The following FREM1 variants were observed in gnomAD, a reference collection of about 807,000 sequenced individuals.
The protein encoded by FREM1 is FRAS1 related extracellular matrix 1.
A neutral mutation model predicts 210.1 loss-of-function variants in FREM1; 220 were observed. That is an observed-to-expected ratio of 1.05 (90% CI 0.94 to 1.17). The LOEUF (loss-of-function observed/expected upper bound fraction) is 1.17, where lower values mean the gene tolerates loss of function less well. Among genes scored for constraint, FREM1 ranks in the 50% most tolerant of loss-of-function variants. The probability of loss-of-function intolerance (pLI) is 0.00; values close to 1 mark genes in which losing one functional copy is unlikely to be tolerated. For missense variants in FREM1, 3,454 were observed against 2,675.5 expected, an observed-to-expected ratio of 1.29 and a Z score of -6.42; for synonymous variants, 1,189 against 980.2, an observed-to-expected ratio of 1.21 and a Z score of -3.98.
intron 17 of FREM1, 91 bp downstream of exon 17, chr9:14,807,849 T>A (rs1818671244): frequency 1.1e-6 from 1 of 920,998 alleles, no homozygotes; most frequent in Non-Finnish European, 1.6e-6. Context: ...GGTTTTCTTT[T>A]TAGACTATAA....
chr9:14,891,362 C>CA (rs1218822980), intron 1 of FREM1, among the ~76,000 whole-genome samples: 12 of 151,196 alleles, frequency 7.9e-5, no homozygotes, highest in African/African-American at 1.5e-4. Flanking sequence ...ACAAAAATGA[C>CA]AAAAAAAAAT....
At chr9:14,798,696 CAG>C (rs1486173996) in intron 20 of FREM1, among the ~76,000 whole-genome samples, 1 of 151,888 alleles carries the variant, frequency 6.6e-6, no homozygotes, top group Non-Finnish European at 1.5e-5. Context: ...TTTTTTGTGA[CAG>C]AGTCTCACTC....
At chr9:14,798,273 T>A (rs1852820941) in intron 20 of FREM1, among the ~76,000 whole-genome samples, 1 of 152,242 alleles carries the variant, frequency 6.6e-6, no homozygotes, top group Non-Finnish European at 1.5e-5. Flanking sequence ...TTTAAAGTTG[T>A]ATAAAATATT....
chr9:14,904,850 A>G (rs1817412952), intron 1 of FREM1, among the ~76,000 whole-genome samples: 1 of 152,022 alleles, frequency 6.6e-6, no homozygotes, highest in Non-Finnish European at 1.5e-5. Context: ...ACTTCTTCCC[A>G]TCCTTAAACT....
chr9:14,791,511 A>G (rs1851309981), intron 22 of FREM1, among the ~76,000 whole-genome samples: 1 of 152,212 alleles, frequency 6.6e-6, no homozygotes. Context: ...TCCCACGTGA[A>G]GTTTTCTCCC....
Position 14,808,134 on chromosome 9 carries a change from C to A in FREM1, c.2894G>T (p.Gly965Val), listed in dbSNP as rs767465306. Reference sequence around the variant, plus strand: ...ACAAGGCATCAGGCCAATCTCGCCACCTGGAAGACACAACTATAGCTGAAA... The same window carrying A: ...ACAAGGCATCAGGCCAATCTCGCCAACTGGAAGACACAACTATAGCTGAAA... ...ISEAVTYKHT[G>V]GEIGLMPCFD... The change falls in exon 17 of 37, where the codon GGT becomes GTT. Residue 965 changes from glycine (G) to valine (V), a missense_variant and splice_region_variant. Transcript: ENST00000380880. The A allele has an allele frequency of 6.3e-7, 1 of 1,580,140 alleles. No homozygotes were observed. The highest frequency in any genetic ancestry group is 1.2e-5 in the South Asian group (1 of 84,038).
Position 14,868,755 on chromosome 9 carries a change from G to C in FREM1, c.223C>G (p.Leu75Val). 1 of 1,609,236 alleles carries C rather than the reference G, an allele frequency of 6.2e-7. No homozygotes were observed. Among genetic ancestry groups the C allele is most frequent in the Non-Finnish European group, 8.5e-7 (1 of 1,177,138 alleles). ...CAGATAGGACCTACCTGTGGAGTGA[G>C]TTTCCCAACCCTCTGGGTTATTGGC... is the stretch of plus-strand genomic sequence containing the variant. Reference protein sequence around the residue: ...NEPITQRVGKLTPQVFDCHFL... With the variant: ...NEPITQRVGKVTPQVFDCHFL... The change falls in exon 2 of 37, where the codon CTC becomes GTC. Residue 75 changes from leucine (L) to valine (V), a missense_variant. Transcript: ENST00000380880.
intron 35 of FREM1, among the ~76,000 whole-genome samples, chr9:14,742,195 T>C (rs775686424): frequency 1.3e-5 from 2 of 152,192 alleles, no homozygotes; most frequent in African/African-American, 2.4e-5. Flanking sequence ...ATTTGTAGTA[T>C]AGAATTAGAA....
rs1308682749 is a variant in FREM1, at chr9:14,812,748, C to T, written c.2893+64G>A. 4.0e-6 allele frequency: 6 copies of T among 1,502,498 alleles called. No homozygotes were observed. In the African/African-American group the frequency reaches 6.9e-5, roughly 17 times the overall value. The allele number at this position is 1,502,498 out of a possible 1,614,324, so 93.1% of individuals were successfully genotyped here. A position where few individuals can be genotyped will look rare whatever the true frequency, so the allele number is the denominator to read the frequency against. On this transcript the variant is annotated intron_variant, in intron 16 of 36. Coordinates refer to ENST00000380880, the MANE Select transcript of FREM1 (RefSeq NM_001379081.2). ...CTGACTGTTTGATTATGGGAGCCCACACTGAGGAGTGGAGACTCTCATGTT... is the reference window on the plus strand; with the variant it reads ...CTGACTGTTTGATTATGGGAGCCCATACTGAGGAGTGGAGACTCTCATGTT...
intron 1 of FREM1, among the ~76,000 whole-genome samples, chr9:14,898,456 A>T (rs752318828): frequency 6.6e-6 from 1 of 152,192 alleles, no homozygotes; most frequent in Non-Finnish European, 1.5e-5. Flanking sequence ...AACCCATAGA[A>T]TGCAGCCGGG....
intron 2 of FREM1, among the ~76,000 whole-genome samples, chr9:14,864,675 G>C (rs564097921): frequency 6.6e-6 from 1 of 152,150 alleles, no homozygotes; most frequent in East Asian, 1.9e-4. Flanking sequence ...CCCATATCAT[G>C]CCCTTCATTC....
rs1289206021 is a variant in FREM1 at position 14,748,424 on chromosome 9, T to C, written c.5773A>G (p.Arg1925Gly). Residue 1925 changes from arginine (R) to glycine (G), a missense_variant, in exon 31 of 37, where the codon AGG becomes GGG. Arg to Gly is a moderately radical substitution (Grantham distance 125). Transcript: ENST00000380880. The part of the protein sequence containing the change: ...DSTDLSQRKL[R>G]TRGNGKTVRP... Reference sequence around the variant, plus strand: ...ACTGTTTTGCCATTCCCACGGGTCCTAAGCTTCCTTTGAGAAAGATCTGTA... The same window carrying C: ...ACTGTTTTGCCATTCCCACGGGTCCCAAGCTTCCTTTGAGAAAGATCTGTA... The C allele has an allele frequency of 2.8e-5, 45 of 1,612,480 alleles. No individual in the cohort carries two copies. Among genetic ancestry groups the C allele is most frequent in the Non-Finnish European group, 3.4e-5 (40 of 1,178,716 alleles).
At chr9:14,861,649 G>C (rs948617886) in intron 3 of FREM1, among the ~76,000 whole-genome samples, 3 of 151,674 alleles carry the variant, frequency 2.0e-5, no homozygotes, top group Non-Finnish European at 4.4e-5. Context: ...TGGGACTACA[G>C]GTGCCTGCCA....
In FREM1 at chr9:14,860,980, T is replaced by A. The variant is rs1322208363; in HGVS notation, c.330-1496A>T. Among the ~76,000 whole-genome samples the A allele has an allele frequency of 2.4e-5, 3 of 124,528 alleles. 1 individual carries two copies. The highest frequency in any genetic ancestry group is 4.6e-5 in the Non-Finnish European group (3 of 65,222). The allele number at this position is 124,528 out of a possible 152,430, so 81.7% of individuals were successfully genotyped here. A position where few individuals can be genotyped will look rare whatever the true frequency, so the allele number is the denominator to read the frequency against. On this transcript the variant is annotated intron_variant, in intron 3 of 36. Coordinates refer to ENST00000380880, the MANE Select transcript of FREM1 (RefSeq NM_001379081.2). ...ACATATATACACATATATACATATA[T>A]ACACATATATACATATATATACACA...
At chr9:14,746,611 A>G in intron 34 of FREM1, 143 bp from the exon 35 acceptor site, 1 of 658,430 alleles carries the variant, frequency 1.5e-6, no homozygotes, top group South Asian at 1.9e-5. Context: ...CCAATTCTCC[A>G]TCTTGAGAAA....
rs747670746 is a variant in FREM1 at position 14,769,777 on chromosome 9, A to G, written c.5151T>C (p.Asp1717=). 5.0e-6 allele frequency: 8 copies of G among 1,610,202 alleles called. No individual in the cohort carries two copies. Among genetic ancestry groups the G allele is most frequent in the South Asian group, 2.2e-5 (2 of 90,900 alleles). ...IINPSLEVNS[D]TVEFQIMDPT... ...GGTCCATGATTTGAAATTCCACGGTATCTGAATTTACTTCCAAAGATGGGT... is the reference window on the plus strand; with the variant it reads ...GGTCCATGATTTGAAATTCCACGGTGTCTGAATTTACTTCCAAAGATGGGT... Residue 1717 remains aspartate, a synonymous_variant, in exon 27 of 37, where the codon GAT becomes GAC. Coordinates refer to ENST00000380880, the MANE Select transcript of FREM1 (RefSeq NM_001379081.2).
chr9:14,788,960 G>A lies in FREM1; in HGVS notation c.4136C>T (p.Pro1379Leu). The part of the protein sequence containing the change: ...FYLWDGNNRS[P>L]ALDCQITIKD... ...GATGGTGATTTGACAGTCAAGAGCA[G>A]GGGACCTGTTGTTGCCATCCCAAAG... The change falls in exon 23 of 37, where the codon CCT becomes CTT. Residue 1379 changes from proline to leucine, a missense_variant. Transcript: ENST00000380880. The A allele has an allele frequency of 6.2e-7, 1 of 1,613,098 alleles. No individual in the cohort carries two copies. The highest frequency in any genetic ancestry group is 8.5e-7 in the Non-Finnish European group (1 of 1,179,562).
At chr9:14,773,813 C>A (rs1266189042) in intron 25 of FREM1, among the ~76,000 whole-genome samples, 2 of 152,054 alleles carry the variant, frequency 1.3e-5, no homozygotes, top group Non-Finnish European at 2.9e-5. Flanking sequence ...ATCCTCTTTT[C>A]CATCTGTGCT....
At chr9:14,879,018 A>T (rs1834296808) in intron 1 of FREM1, among the ~76,000 whole-genome samples, 1 of 151,962 alleles carries the variant, frequency 6.6e-6, no homozygotes, top group East Asian at 1.9e-4. Flanking sequence ...TTAGCCAGGC[A>T]TCGTGGCAGG....
Sources: allele counts gnomAD v4.1 joint callset (sites outside exome capture counted in the v4.1 genomes callset), GRCh38; gene constraint gnomAD v4.1.1; transcripts MANE v1.5; gene names NCBI Gene and HGNC (gene_info 2026-07-23, HGNC 2026-07-21).